PCSK6: variants seen among roughly 807,000 people sequenced by gnomAD.
The protein encoded by PCSK6 is paired basic amino acid cleaving enzyme 4.
PCSK6 carries 85 observed loss-of-function variants against 123.3 expected under a neutral mutation model. The ratio of observed to expected loss-of-function variants is 0.69; its 90% confidence interval spans 0.58 to 0.83. The LOEUF (loss-of-function observed/expected upper bound fraction) is 0.83. Among genes scored for constraint, PCSK6 ranks in the 40% least tolerant of loss-of-function variants. The pLI, the probability that PCSK6 is intolerant of heterozygous loss-of-function variation, is 0.00. For missense variants in PCSK6, 1,191 were observed against 1,282.3 expected, an observed-to-expected ratio of 0.93 and a Z score of 1.09; for synonymous variants, 508 against 516.0, an observed-to-expected ratio of 0.98 and a Z score of 0.21.
intron 17 of PCSK6, among the ~76,000 whole-genome samples, chr15:101,324,107 C>T (rs531674951): frequency 5.9e-5 from 9 of 152,230 alleles, no homozygotes; most frequent in Non-Finnish European, 1.3e-4. Context: ...GTCCGAGTCC[C>T]ACCTCCATCA....
At chr15:101,324,600 G>C (rs1025275868) in intron 17 of PCSK6, among the ~76,000 whole-genome samples, 1 of 152,214 alleles carries the variant, frequency 6.6e-6, no homozygotes, top group Non-Finnish European at 1.5e-5. Flanking sequence ...GAAATTCCCT[G>C]GACAGCCAGG....
At chr15:101,482,810 C>G (rs2057923954) in intron 1 of PCSK6, among the ~76,000 whole-genome samples, 2 of 149,094 alleles carry the variant, frequency 1.3e-5, no homozygotes, top group Admixed American at 1.3e-4. Flanking sequence ...GATTCTGAGT[C>G]TGCCCCTGCA....
intron 13 of PCSK6, among the ~76,000 whole-genome samples, chr15:101,358,071 G>A (rs1436622532): frequency 3.3e-5 from 5 of 152,154 alleles, no homozygotes; most frequent in Admixed American, 1.3e-4. Context: ...CATCCCCGTC[G>A]CTTGCCCAGT....
At chr15:101,483,894 G>T (rs887912092) in intron 1 of PCSK6, among the ~76,000 whole-genome samples, 1 of 152,248 alleles carries the variant, frequency 6.6e-6, no homozygotes, top group African/African-American at 2.4e-5. Context: ...ACATGGGCCT[G>T]CAGGCACCTG....
At chr15:101,337,346 G>C (rs1329238902) in intron 13 of PCSK6, 2 of 152,194 alleles carry the variant, frequency 1.3e-5, no homozygotes, top group East Asian at 3.9e-4. Flanking sequence ...CTCAACCAAG[G>C]GAGTCACTTT....
intron 13 of PCSK6, chr15:101,365,183 A>G: frequency 2.1e-6 from 1 of 476,708 alleles, no homozygotes; most frequent in Non-Finnish European, 3.8e-6. Flanking sequence ...GAGCTATAAC[A>G]CTCTTAAAAG....
chr15:101,402,099 C>T (rs1007178266), intron 6 of PCSK6, among the ~76,000 whole-genome samples: 7 of 149,908 alleles, frequency 4.7e-5, no homozygotes, highest in African/African-American at 7.4e-5. Context: ...AGAACAGAGC[C>T]CTCAGAAATA....
chr15:101,422,783 G>A lies in PCSK6; in HGVS notation c.823+5109C>T, dbSNP rs371277880. Among the ~76,000 whole-genome samples the A allele has an allele frequency of 1.5e-3, 234 of 152,230 alleles. 2 individuals are homozygous for A. The highest frequency in any genetic ancestry group is 0.012 in the South Asian group (58 of 4,822). ...ACTGCAGGCGCCCGCCACCGCGCCCGGCTAATTTTTTGCATTTTTAGTAGA... is the reference window on the plus strand; with the variant it reads ...ACTGCAGGCGCCCGCCACCGCGCCCAGCTAATTTTTTGCATTTTTAGTAGA... On this transcript the variant is annotated intron_variant, in intron 6 of 21. Coordinates refer to ENST00000611716, the MANE Select transcript of PCSK6 (RefSeq NM_002570.5).
At chr15:101,430,917 A>C (rs1240758831) in intron 4 of PCSK6, among the ~76,000 whole-genome samples, 1 of 152,232 alleles carries the variant, frequency 6.6e-6, no homozygotes, top group Non-Finnish European at 1.5e-5. Context: ...TAAGTAACTT[A>C]CTCAAGATCT....
chr15:101,436,100 G>A (rs760528741), intron 2 of PCSK6, among the ~76,000 whole-genome samples: 4 of 143,014 alleles, frequency 2.8e-5, no homozygotes, highest in Non-Finnish European at 4.5e-5. Flanking sequence ...CCACTTGCAC[G>A]TCCACCCAAA....
At chr15:101,390,765 T>C (rs2042210306) in intron 8 of PCSK6, among the ~76,000 whole-genome samples, 1 of 152,214 alleles carries the variant, frequency 6.6e-6, no homozygotes, top group South Asian at 2.1e-4. Context: ...GCCAGCACCT[T>C]GGTCTTGGCC....
Position 101,305,380 on chromosome 15 carries a change from A to G in PCSK6, c.2813-25T>C. ...GCTGGGGCCCCGCATCAGGAAAGGC[A>G]AAAGAGGGAAAGGTCAGTCTTCGGT... On this transcript the variant is annotated intron_variant, in intron 21 of 21. Transcript: ENST00000611716. The surrounding 1 kb of genome is among the most constrained non-coding windows in gnomAD (Gnocchi z 4.8). 4 of 1,592,428 alleles carry G rather than the reference A, an allele frequency of 2.5e-6. No individual in the cohort carries two copies. Among genetic ancestry groups the G allele is most frequent in the South Asian group, 1.1e-5 (1 of 89,816 alleles).
At chr15:101,440,011 C>T (rs528005700) in intron 2 of PCSK6, among the ~76,000 whole-genome samples, 16 of 152,266 alleles carry the variant, frequency 1.1e-4, no homozygotes, top group Admixed American at 3.9e-4. Flanking sequence ...CAGGCAGCAA[C>T]GACTAACTAT....
intron 11 of PCSK6, among the ~76,000 whole-genome samples, chr15:101,381,090 G>A (rs55646228): frequency 0.097 from 14,701 of 151,638 alleles, 789 homozygotes; most frequent in South Asian, 0.15. Context: ...GGCCAGGCAC[G>A]GTAGCTCACA....
At chr15:101,322,373 T>C in intron 18 of PCSK6, 147 bp downstream of exon 18, 2 of 620,652 alleles carry the variant, frequency 3.2e-6, no homozygotes, top group Non-Finnish European at 5.8e-6. Flanking sequence ...GGACACACGA[T>C]TTCCAGGACT....
chr15:101,346,588 T>C (rs889271496), intron 13 of PCSK6: 31 of 371,714 alleles, frequency 8.3e-5, no homozygotes, highest in Middle Eastern at 7.1e-4. Flanking sequence ...AACACACTTA[T>C]CTATTCTGGG....
intron 6 of PCSK6, among the ~76,000 whole-genome samples, chr15:101,413,412 T>TA (rs2055775512): frequency 6.6e-6 from 1 of 151,704 alleles, no homozygotes; most frequent in African/African-American, 2.4e-5. Flanking sequence ...CTCAAAAACA[T>TA]TATAAACCAA....
At chr15:101,317,970 T>A (rs2040030301) in intron 19 of PCSK6, among the ~76,000 whole-genome samples, 1 of 152,172 alleles carries the variant, frequency 6.6e-6, no homozygotes, top group Non-Finnish European at 1.5e-5. Context: ...AGTGCTGGGG[T>A]TATAGGCATG....
Position 101,331,950 on chromosome 15 carries a change from G to C in PCSK6, c.1940C>G (p.Ser647Trp). 1 of 1,613,880 alleles carries C rather than the reference G, an allele frequency of 6.2e-7. No individual in the cohort carries two copies. The highest frequency in any genetic ancestry group is 1.1e-5 in the South Asian group (1 of 91,046). Reference protein sequence around the residue: ...YHTFSAHQSRSRMLELSAPEL... With the variant: ...YHTFSAHQSRWRMLELSAPEL... ...TGGGGCTGAGAGCTCCAGCATCCGC[G>C]AGCGGGACTGATGGGCACTGAAGGT... is the stretch of plus-strand genomic sequence containing the variant. Residue 647 changes from serine to tryptophan, a missense_variant, in exon 14 of 22, where the codon TCG becomes TGG. By Grantham distance (177) the Ser-to-Trp change is radical. Transcript: ENST00000611716.
Sources: gnomAD v4.1 joint callset for allele counts (sites outside exome capture counted in the v4.1 genomes callset) on GRCh38, gnomAD v4.1.1 for gene constraint, Gnocchi (gnomAD v3.1) non-coding constraint, MANE v1.5 for transcripts, NCBI Gene and HGNC (gene_info 2026-07-23, HGNC 2026-07-21) for gene names.